The following CHL1 variants were observed in gnomAD, a reference collection of about 807,000 sequenced individuals.
CHL1 encodes neural cell adhesion molecule L1-like protein.
CHL1 carries 96 observed loss-of-function variants against 141.9 expected under a neutral mutation model. The observed-to-expected ratio is 0.68, with a 90% CI of 0.57 to 0.80. The LOEUF (loss-of-function observed/expected upper bound fraction) is 0.80, where lower values mean the gene tolerates loss of function less well. Among genes scored for constraint, CHL1 ranks in the 30% least tolerant of loss-of-function variants. The pLI, the probability that CHL1 is intolerant of heterozygous loss-of-function variation, is 0.00. For missense variants in CHL1, 1,820 were observed against 1,457.2 expected, an observed-to-expected ratio of 1.25 and a Z score of -4.05; for synonymous variants, 613 against 502.2, an observed-to-expected ratio of 1.22 and a Z score of -2.95.
At chr3:334,412 G>T (rs989038097) in intron 5 of CHL1, among the ~76,000 whole-genome samples, 3 of 152,088 alleles carry the variant, frequency 2.0e-5, no homozygotes, top group Non-Finnish European at 4.4e-5. Flanking sequence ...ACCACAAAAA[G>T]ATTTCTTGTG....
chr3:198,089 C>G lies in CHL1; in HGVS notation c.-175+1026C>G, dbSNP rs574525732. The G allele has an allele frequency of 1.6e-3, 447 of 286,288 alleles. 3 individuals are homozygous for G. The highest frequency in any genetic ancestry group is 9.6e-3 in the African/African-American group (427 of 44,544). The allele number at this position is 286,288 out of a possible 1,614,324, so 17.7% of individuals were successfully genotyped here. The stretch of plus-strand genomic sequence containing the variant: ...CCGGAGGAGCAGCAGCCGCGCGGGC[C>G]CAGGTACCCCCGCCCCAGACGGCCA... On this transcript the variant is annotated intron_variant, in intron 1 of 27. Coordinates refer to ENST00000256509, the MANE Select transcript of CHL1 (RefSeq NM_006614.4).
chr3:237,153 G>A (rs1692072024), intron 1 of CHL1, among the ~76,000 whole-genome samples: 1 of 152,206 alleles, frequency 6.6e-6, no homozygotes, highest in Non-Finnish European at 1.5e-5. Context: ...GTTGGGGGAA[G>A]GACCTGGTGG....
intron 11 of CHL1, among the ~76,000 whole-genome samples, chr3:359,752 T>C (rs1383990640): frequency 6.6e-6 from 1 of 152,094 alleles, no homozygotes; most frequent in Non-Finnish European, 1.5e-5. Context: ...ATACAAGCAA[T>C]GTACATGAAG....
chr3:282,326 A>G (rs1696740300), intron 2 of CHL1, among the ~76,000 whole-genome samples: 1 of 152,200 alleles, frequency 6.6e-6, no homozygotes, highest in African/African-American at 2.4e-5. Context: ...GTGTAAGCCC[A>G]TTAACGTGGT....
At chr3:210,534 C>G (rs1298465146) in intron 1 of CHL1, among the ~76,000 whole-genome samples, 1 of 152,172 alleles carries the variant, frequency 6.6e-6, no homozygotes, top group Non-Finnish European at 1.5e-5. Context: ...CCTGGTCCTT[C>G]CAGAAATGTC....
At chr3:264,444 C>A (rs1409515287) in intron 2 of CHL1, among the ~76,000 whole-genome samples, 1 of 152,056 alleles carries the variant, frequency 6.6e-6, no homozygotes, top group African/African-American at 2.4e-5. Flanking sequence ...TCTGAAGGAA[C>A]AACAATGAGA....
chr3:265,288 C>T (rs989605596), intron 2 of CHL1, among the ~76,000 whole-genome samples: 6 of 152,106 alleles, frequency 3.9e-5, no homozygotes, highest in Non-Finnish European at 7.4e-5. Flanking sequence ...GAAATACTTG[C>T]CTGATAGGTT....
chr3:253,956 A>T (rs1693926651), intron 2 of CHL1, among the ~76,000 whole-genome samples: 1 of 151,860 alleles, frequency 6.6e-6, no homozygotes, highest in Admixed American at 6.6e-5. Context: ...GATATTATAT[A>T]CATTTTGAAC....
intron 2 of CHL1, among the ~76,000 whole-genome samples, chr3:293,247 A>T (rs1000617308): frequency 7.9e-5 from 12 of 152,200 alleles, no homozygotes; most frequent in Admixed American, 3.9e-4. Flanking sequence ...CATGCTTGTA[A>T]TCCTAGCACT....
chr3:238,072 G>C (rs1299257094), intron 1 of CHL1, among the ~76,000 whole-genome samples: 1 of 152,276 alleles, frequency 6.6e-6, no homozygotes, highest in East Asian at 1.9e-4. Context: ...ATTTCTGTCT[G>C]TGTGTTCATT....
intron 15 of CHL1, among the ~76,000 whole-genome samples, 163 bp downstream of exon 15, chr3:366,278 C>G (rs1575177763): frequency 6.6e-6 from 1 of 152,152 alleles, no homozygotes; most frequent in Admixed American, 6.5e-5. Context: ...CGAGACTAGC[C>G]TGACCAACAC....
intron 1 of CHL1, among the ~76,000 whole-genome samples, chr3:243,099 C>G (rs1457140902): frequency 1.3e-5 from 2 of 152,190 alleles, no homozygotes; most frequent in African/African-American, 4.8e-5. Flanking sequence ...GCATGACATT[C>G]TTTATCACTG....
chr3:197,118 T>G (rs2271499), intron 1 of CHL1, 55 bp downstream of exon 1: 46,806 of 152,032 alleles, frequency 0.31, 8,596 homozygotes, highest in East Asian at 0.58. Flanking sequence ...TGGGGGGGTC[T>G]CCCGTGGAGG....
chr3:408,103 G>C lies in CHL1; in HGVS notation c.*2392G>C, dbSNP rs1008507254. ...TAACCTTCAAATAAAATAAATCTAA[G>C]TCGGTTAAAATGGATTTCATGATTT... On this transcript the variant is annotated 3_prime_UTR_variant, in exon 28 of 28. Transcript: ENST00000256509. The C allele has an allele frequency of 6.6e-6, 1 of 152,080 alleles. No homozygotes were observed. The highest frequency in any genetic ancestry group is 2.4e-5 in the African/African-American group (1 of 41,422). 9.4% of individuals were successfully genotyped at this position (152,080 alleles called of 1,614,324 possible).
At chr3:259,853 T>C (rs1375699040) in intron 2 of CHL1, among the ~76,000 whole-genome samples, 1 of 152,204 alleles carries the variant, frequency 6.6e-6, no homozygotes, top group Admixed American at 6.5e-5. Context: ...TTTCTGGTCA[T>C]GGGGCCCGTT....
At chr3:338,065 C>A (rs1263245317) in intron 5 of CHL1, among the ~76,000 whole-genome samples, 1 of 152,086 alleles carries the variant, frequency 6.6e-6, no homozygotes. Flanking sequence ...GGGGTTTCAC[C>A]ATGTTAGCCA....
intron 14 of CHL1, among the ~76,000 whole-genome samples, chr3:365,093 GA>G (rs1371640831): frequency 6.6e-6 from 1 of 152,126 alleles, no homozygotes; most frequent in African/African-American, 2.4e-5. Context: ...AGTTCCTTGA[GA>G]AAAATGTACA....
At chr3:261,264 G>A (rs1694696496) in intron 2 of CHL1, among the ~76,000 whole-genome samples, 6 of 151,892 alleles carry the variant, frequency 4.0e-5, no homozygotes. Context: ...TCCAAGTAAA[G>A]TACTTGGTCT....
At chr3:197,887 T>TTTTTTTG (rs1698514712) in intron 1 of CHL1, 2 of 433,226 alleles carry the variant, frequency 4.6e-6, no homozygotes, top group African/African-American at 4.3e-5. Flanking sequence ...TTTTTTTTTT[T>TTTTTTTG]GGAGTGTGAG....
Sources: gnomAD v4.1 joint callset for allele counts (sites outside exome capture counted in the v4.1 genomes callset) on GRCh38, gnomAD v4.1.1 for gene constraint, MANE v1.5 for transcripts, NCBI Gene and HGNC (gene_info 2026-07-23, HGNC 2026-07-21) for gene names.